SNRNP40: variants seen among roughly 807,000 people sequenced by gnomAD.
SNRNP40 encodes small nuclear ribonucleoprotein U5 subunit 40.
A neutral mutation model predicts 45.8 loss-of-function variants in SNRNP40; 21 were observed. That is an observed-to-expected ratio of 0.46 (90% confidence interval 0.32 to 0.66). The LOEUF (loss-of-function observed/expected upper bound fraction) is 0.66, where lower values mean the gene tolerates loss of function less well. Ranked by LOEUF, SNRNP40 falls within the 30% of genes least tolerant of loss-of-function variation. SNRNP40 has a pLI of 0.03. For synonymous variants in SNRNP40, 142 were observed against 163.8 expected, an observed-to-expected ratio of 0.87 and a Z score of 1.01; for missense variants, 344 against 439.1, an observed-to-expected ratio of 0.78 and a Z score of 1.94.
intron 4 of SNRNP40, 38 bp from the exon 5 acceptor site, chr1:31,281,534 T>G (rs754956018): frequency 1.3e-6 from 2 of 1,572,128 alleles, no homozygotes; most frequent in East Asian, 4.5e-5. Flanking sequence ...AGCAACATCA[T>G]TCTAAGAAGC....
chr1:31,268,655 G>T (rs1645916060), intron 7 of SNRNP40, among the ~76,000 whole-genome samples: 1 of 152,130 alleles, frequency 6.6e-6, no homozygotes, highest in Non-Finnish European at 1.5e-5. Flanking sequence ...TCTCTGAGGG[G>T]AAAAGCTTCT....
At chr1:31,282,623 C>T (rs1557678165) in intron 4 of SNRNP40, 11 of 150,246 alleles carry the variant, frequency 7.3e-5, no homozygotes. Flanking sequence ...ATCTTTCTAT[C>T]ATCTATATCT....
chr1:31,262,285 C>T (rs780340914), intron 8 of SNRNP40, among the ~76,000 whole-genome samples: 4 of 151,744 alleles, frequency 2.6e-5, no homozygotes, highest in African/African-American at 4.8e-5. Flanking sequence ...TTTGGGAGGC[C>T]GAGGTGCGTG....
intron 1 of SNRNP40, among the ~76,000 whole-genome samples, chr1:31,296,403 G>C (rs1291221401): frequency 2.6e-5 from 4 of 152,346 alleles, no homozygotes; most frequent in Middle Eastern, 3.4e-3. Flanking sequence ...GGGCAGTCGA[G>C]AGGCTGAAAA....
At chr1:31,262,696 T>TA (rs76800005) in intron 8 of SNRNP40, among the ~76,000 whole-genome samples, 7,772 of 151,900 alleles carry the variant, frequency 0.051, 413 homozygotes, top group East Asian at 0.21. Flanking sequence ...AGAATGTTCT[T>TA]AGGAAGACAA....
At chr1:31,293,492 T>C (rs1004138039) in intron 1 of SNRNP40, 144 bp from the exon 2 acceptor site, 1 of 757,418 alleles carries the variant, frequency 1.3e-6, no homozygotes, top group Non-Finnish European at 2.1e-6. Context: ...GCTCTTCTCA[T>C]ATGAATGCCT....
intron 5 of SNRNP40, among the ~76,000 whole-genome samples, chr1:31,280,442 G>A (rs1646007991): frequency 6.6e-6 from 1 of 151,942 alleles, no homozygotes; most frequent in African/African-American, 2.4e-5. Context: ...GATTTCAGGT[G>A]TGAGCCACCA....
intron 4 of SNRNP40, among the ~76,000 whole-genome samples, chr1:31,288,785 C>A (rs1201665611): frequency 1.3e-5 from 2 of 152,080 alleles, no homozygotes; most frequent in African/African-American, 4.8e-5. Flanking sequence ...GTCGCCCAGG[C>A]TGGAGTGCAG....
intron 4 of SNRNP40, among the ~76,000 whole-genome samples, chr1:31,284,342 G>A (rs934022572): frequency 1.3e-5 from 2 of 152,192 alleles, no homozygotes; most frequent in African/African-American, 4.8e-5. Flanking sequence ...AGAGACGGGG[G>A]TTTCACCATG....
intron 1 of SNRNP40, 67 bp from the exon 2 acceptor site, chr1:31,293,415 G>A: frequency 6.8e-7 from 1 of 1,464,002 alleles, no homozygotes; most frequent in Non-Finnish European, 9.2e-7. Context: ...ATTAGGGGGT[G>A]GGGAGTGGAG....
chr1:31,288,823 C>A (rs1014954060), intron 4 of SNRNP40, among the ~76,000 whole-genome samples: 1 of 152,144 alleles, frequency 6.6e-6, no homozygotes, highest in Non-Finnish European at 1.5e-5. Context: ...GCTCCACCTC[C>A]CGGGTGCACA....
Position 31,268,017 on chromosome 1 carries a change from CCTAA to C in SNRNP40, c.859-89_859-86del, listed in dbSNP as rs1404765485. The C allele has an allele frequency of 3.9e-4, 348 of 897,742 alleles. 9 individuals carry two copies. In the South Asian group the frequency reaches 4.6e-3, roughly 12 times the overall value. The allele number at this position is 897,742 out of a possible 1,614,324, so 55.6% of individuals were successfully genotyped here. ...CGAATCACTAAGAGGCTTTAAATTT[CCTAA>C]CTAGAGTTTTAATTACTCTTCTCAG... On this transcript the variant is annotated intron_variant, in intron 7 of 9. Coordinates refer to ENST00000263694, the MANE Select transcript of SNRNP40 (RefSeq NM_004814.3).
intron 2 of SNRNP40, chr1:31,292,988 GAAC>G: frequency 1.9e-6 from 1 of 527,442 alleles, no homozygotes; most frequent in Non-Finnish European, 3.4e-6. Context: ...TCTCAAACCA[GAAC>G]AACTCACTTT....
At chr1:31,283,966 G>A (rs888437625) in intron 4 of SNRNP40, among the ~76,000 whole-genome samples, 1 of 152,166 alleles carries the variant, frequency 6.6e-6, no homozygotes, top group Non-Finnish European at 1.5e-5. Flanking sequence ...GCTCATGCCT[G>A]TAACCCCAGC....
intron 5 of SNRNP40, among the ~76,000 whole-genome samples, chr1:31,276,353 C>T (rs111439304): frequency 0.023 from 3,444 of 152,178 alleles, 118 homozygotes; most frequent in African/African-American, 0.078. Flanking sequence ...GCAGCCTGGG[C>T]AACACGAGTG....
intron 4 of SNRNP40, among the ~76,000 whole-genome samples, chr1:31,283,598 G>A (rs181767356): frequency 5.3e-5 from 8 of 152,220 alleles, no homozygotes; most frequent in African/African-American, 1.7e-4. Context: ...GCGAGACTTC[G>A]TCTCAAAAAC....
chr1:31,270,499 G>A (rs1645929952), intron 6 of SNRNP40, among the ~76,000 whole-genome samples: 2 of 152,142 alleles, frequency 1.3e-5, no homozygotes, highest in Non-Finnish European at 2.9e-5. Context: ...GTAAGCAGTA[G>A]CTATAGCCGT....
intron 3 of SNRNP40, 83 bp from the exon 4 acceptor site, chr1:31,289,502 C>T: frequency 1.6e-6 from 2 of 1,275,756 alleles, no homozygotes; most frequent in Non-Finnish European, 2.2e-6. Context: ...CAAAAGGTGC[C>T]AAATTTTTCA....
intron 4 of SNRNP40, among the ~76,000 whole-genome samples, chr1:31,285,559 G>A (rs918912126): frequency 1.4e-4 from 22 of 152,088 alleles, no homozygotes; most frequent in Non-Finnish European, 7.4e-5. Flanking sequence ...CCTAAATAGT[G>A]TCTGTCCTAC....
Sources: gnomAD v4.1 joint callset for allele counts (sites outside exome capture counted in the v4.1 genomes callset) on GRCh38, gnomAD v4.1.1 for gene constraint, MANE v1.5 for transcripts, NCBI Gene and HGNC (gene_info 2026-07-23, HGNC 2026-07-21) for gene names.